NSG1: variants seen among roughly 807,000 people sequenced by gnomAD.
NSG1 encodes the protein neuronal vesicle trafficking associated 1.
A neutral mutation model predicts 19.3 loss-of-function variants in NSG1; 9 were observed. That is an observed-to-expected ratio of 0.47 (90% CI 0.28 to 0.81). NSG1 has a LOEUF of 0.81. NSG1 is among the 40% of genes least tolerant of loss of function. The pLI, the probability that NSG1 is intolerant of heterozygous loss-of-function variation, is 0.11. For missense variants in NSG1, 236 were observed against 242.4 expected, an observed-to-expected ratio of 0.97 and a Z score of 0.18; for synonymous variants, 104 against 107.0, an observed-to-expected ratio of 0.97 and a Z score of 0.17.
At chr4:4,405,897 C>T (rs981532203) in intron 3 of NSG1, among the ~76,000 whole-genome samples, 33 of 152,342 alleles carry the variant, frequency 2.2e-4, no homozygotes, top group African/African-American at 6.7e-4. Context: ...GGAGGTGGTT[C>T]CCCCACAGCC....
At chr4:4,395,768 A>C (rs1475464367) in intron 3 of NSG1, among the ~76,000 whole-genome samples, 1 of 152,172 alleles carries the variant, frequency 6.6e-6, no homozygotes, top group African/African-American at 2.4e-5. Flanking sequence ...ATCTCCATGC[A>C]TGAATTGCAG....
At chr4:4,402,371 ATTTTTTTTTTTTT>A (rs1161754574) in intron 3 of NSG1, among the ~76,000 whole-genome samples, 27 of 53,954 alleles carry the variant, frequency 5.0e-4, no homozygotes, top group African/African-American at 1.5e-3. Flanking sequence ...ACGCCTGGTT[ATTTTTTTTTTTTT>A]TTTTTTTTTT....
intron 4 of NSG1, among the ~76,000 whole-genome samples, chr4:4,412,179 C>G (rs1192979607): frequency 6.6e-6 from 1 of 152,184 alleles, no homozygotes; most frequent in Admixed American, 6.5e-5. Flanking sequence ...CCGCGTGTGG[C>G]TGTAAAACGC....
intron 3 of NSG1, among the ~76,000 whole-genome samples, chr4:4,391,966 A>T (rs975819898): frequency 6.6e-6 from 1 of 152,224 alleles, no homozygotes; most frequent in Admixed American, 6.5e-5. Flanking sequence ...AGCACTGATC[A>T]CATGCCAGAA....
intron 4 of NSG1, among the ~76,000 whole-genome samples, chr4:4,413,221 G>C (rs911635542): frequency 3.3e-5 from 5 of 151,976 alleles, no homozygotes; most frequent in Non-Finnish European, 5.9e-5. Flanking sequence ...TGAATGTGAA[G>C]GCTATAGACA....
chr4:4,410,630 A>G (rs1390366605), intron 4 of NSG1, among the ~76,000 whole-genome samples: 1 of 152,164 alleles, frequency 6.6e-6, no homozygotes, highest in East Asian at 1.9e-4. Context: ...GTTATAACGC[A>G]TGGTCCACCT....
intron 3 of NSG1, among the ~76,000 whole-genome samples, chr4:4,404,227 A>G (rs886427711): frequency 6.6e-6 from 1 of 152,180 alleles, no homozygotes; most frequent in East Asian, 1.9e-4. Context: ...GGCGTTTGTT[A>G]TGTGTAAAGA....
intron 4 of NSG1, among the ~76,000 whole-genome samples, chr4:4,416,705 CCCTAGTCATGACCA>C (rs1345765591): frequency 1.3e-5 from 2 of 152,152 alleles, no homozygotes; most frequent in Non-Finnish European, 2.9e-5. Context: ...TCTTCCCAGC[CCCTAGTCATGACCA>C]CCTAGTGGCT....
intron 4 of NSG1, among the ~76,000 whole-genome samples, chr4:4,415,498 G>A (rs1037735892): frequency 3.3e-5 from 5 of 152,128 alleles, no homozygotes; most frequent in Non-Finnish European, 5.9e-5. Context: ...CCTGGCCCAT[G>A]TGGGCTCACG....
At chr4:4,396,281 C>T (rs1464430949) in intron 3 of NSG1, among the ~76,000 whole-genome samples, 3 of 152,112 alleles carry the variant, frequency 2.0e-5, no homozygotes, top group Admixed American at 6.5e-5. Context: ...CATTAGGGGC[C>T]GTCATCAGAC....
intron 4 of NSG1, chr4:4,416,037 T>C (rs1262353532): frequency 1.4e-6 from 1 of 698,870 alleles, no homozygotes; most frequent in Non-Finnish European, 2.6e-6. Context: ...GTCTTTTGGC[T>C]TTCTTTTCTG....
chr4:4,413,188 C>T (rs373520990), intron 4 of NSG1, among the ~76,000 whole-genome samples: 33 of 152,006 alleles, frequency 2.2e-4, no homozygotes, highest in Admixed American at 7.2e-4. Flanking sequence ...CTCAAATGAA[C>T]GGTGAGGAAG....
chr4:4,390,344 G>T (rs527636171), intron 2 of NSG1, among the ~76,000 whole-genome samples: 1 of 152,342 alleles, frequency 6.6e-6, no homozygotes, highest in African/African-American at 2.4e-5. Context: ...AAGGTTTATG[G>T]CTCTTGGGAT....
At chr4:4,392,361 AAGG>A (rs1247345522) in intron 3 of NSG1, among the ~76,000 whole-genome samples, 1 of 152,164 alleles carries the variant, frequency 6.6e-6, no homozygotes, top group Non-Finnish European at 1.5e-5. Context: ...ATCCAGATTC[AAGG>A]AGGTGAATTG....
At chr4:4,394,663 C>T (rs972258857) in intron 3 of NSG1, among the ~76,000 whole-genome samples, 20 of 152,190 alleles carry the variant, frequency 1.3e-4, no homozygotes, top group African/African-American at 3.4e-4. Flanking sequence ...ACTCATCAGC[C>T]GCTCTATGCC....
intron 3 of NSG1, among the ~76,000 whole-genome samples, chr4:4,405,205 A>G (rs1723784825): frequency 6.6e-6 from 1 of 152,138 alleles, no homozygotes; most frequent in Admixed American, 6.5e-5. Context: ...TTTGCTGTGT[A>G]GACACAGTGC....
intron 4 of NSG1, among the ~76,000 whole-genome samples, chr4:4,413,411 C>T (rs1022208518): frequency 7.9e-5 from 12 of 151,334 alleles, no homozygotes; most frequent in African/African-American, 1.9e-4. Flanking sequence ...CAGCAAGCCC[C>T]GTCCACGCCC....
chr4:4,403,011 A>C (rs1723650090), intron 3 of NSG1, among the ~76,000 whole-genome samples: 1 of 152,254 alleles, frequency 6.6e-6, no homozygotes, highest in Non-Finnish European at 1.5e-5. Flanking sequence ...TTCGATGCGT[A>C]GACGTTATTC....
intron 3 of NSG1, among the ~76,000 whole-genome samples, chr4:4,392,443 C>T (rs1166693214): frequency 6.6e-6 from 1 of 152,174 alleles, no homozygotes; most frequent in Non-Finnish European, 1.5e-5. Flanking sequence ...CTCCACTTGG[C>T]AGTGTGAGCA....
Sources: allele counts gnomAD v4.1 joint callset (sites outside exome capture counted in the v4.1 genomes callset), GRCh38; gene constraint gnomAD v4.1.1; transcripts MANE v1.5; gene names NCBI Gene and HGNC (gene_info 2026-07-23, HGNC 2026-07-21).